MYL12A: variants seen among roughly 807,000 people sequenced by gnomAD.
MYL12A encodes the protein myosin light chain 12A, also known as myosin regulatory light chain 12A.
MYL12A carries 11 observed loss-of-function variants against 13.3 expected under a neutral mutation model. The ratio of observed to expected loss-of-function variants is 0.83; its 90% CI spans 0.52 to 1.37. MYL12A has a LOEUF of 1.37. Ranked by LOEUF, MYL12A falls within the 40% of genes most tolerant of loss-of-function variation. The pLI is 0.00. For synonymous variants in MYL12A, 51 were observed against 69.9 expected (o/e 0.73, Z 1.35); for missense variants, 146 against 212.3 (o/e 0.69, Z 1.94).
In MYL12A at chr18:3,254,055, G is replaced by A. The variant is rs776539457; in HGVS notation, c.343+5G>A. On this transcript the variant is annotated splice_donor_5th_base_variant and intron_variant, in intron 3 of 3. Transcript: ENST00000217652. ...GCTTTGATGAAGAAGCAACTGGTAA[G>A]TGAGAGGTAACCTTTAATTATAAAG... 2 of 1,610,688 alleles carry A rather than the reference G, an allele frequency of 1.2e-6. No individual in the cohort carries two copies. Among genetic ancestry groups the A allele is most frequent in the Non-Finnish European group, 1.7e-6 (2 of 1,179,062 alleles).
chr18:3,252,050 C>T (rs1230379860), intron 1 of MYL12A, among the ~76,000 whole-genome samples: 1 of 152,110 alleles, frequency 6.6e-6, no homozygotes, highest in East Asian at 1.9e-4. Context: ...ACATCGGAAA[C>T]ACATTCTTAG....
At chr18:3,248,379 T>C (rs2081451457) in intron 1 of MYL12A, 2 of 152,226 alleles carry the variant, frequency 1.3e-5, no homozygotes, top group Admixed American at 6.5e-5. Flanking sequence ...TTTTTTTCTT[T>C]AAGCGATGAA....
intron 2 of MYL12A, 143 bp downstream of exon 2, chr18:3,253,571 C>T (rs6417016): frequency 0.79 from 841,216 of 1,062,298 alleles, 337,073 homozygotes; most frequent in East Asian, 0.82. Context: ...TGTTTCCCAC[C>T]GGATCACCAG....
chr18:3,252,857 C>G (rs924513130), intron 1 of MYL12A, among the ~76,000 whole-genome samples: 1 of 152,158 alleles, frequency 6.6e-6, no homozygotes, highest in African/African-American at 2.4e-5. Flanking sequence ...ACCTTTCTGT[C>G]CACCGTACTA....
chr18:3,248,931 T>G (rs1403238417), intron 1 of MYL12A, among the ~76,000 whole-genome samples: 1 of 152,216 alleles, frequency 6.6e-6, no homozygotes, highest in Non-Finnish European at 1.5e-5. Flanking sequence ...TAGGCTTTTT[T>G]TTTTTAAGTG....
At position 3,253,918 on chromosome 18, in the gene MYL12A, G is replaced by A. The variant is rs1366647001; in HGVS notation, c.211G>A (p.Ala71Thr). 1 of 1,610,678 alleles carries A rather than the reference G, an allele frequency of 6.2e-7. No individual in the cohort carries two copies. The highest frequency in any genetic ancestry group is 8.5e-7 in the Non-Finnish European group (1 of 1,179,232). ...GAATCCAACTGATGAGTATCTAGAT[G>A]CCATGATGAATGAGGCTCCAGGCCC... ...GKNPTDEYLD[A>T]MMNEAPGPIN... The change falls in exon 3 of 4, where the codon GCC (alanine) becomes ACC (threonine). Residue 71 changes from alanine to threonine, a missense_variant. Ala to Thr is a moderately conservative substitution (Grantham distance 58, BLOSUM62 0). Coordinates refer to ENST00000217652, the MANE Select transcript of MYL12A (RefSeq NM_006471.4).
At chr18:3,248,777 T>C (rs963275084) in intron 1 of MYL12A, 1 of 152,244 alleles carries the variant, frequency 6.6e-6, no homozygotes, top group Non-Finnish European at 1.5e-5. Flanking sequence ...TGAGAACTTT[T>C]GGGTGTGGCA....
At position 3,253,898 on chromosome 18, in the gene MYL12A, C is replaced by A; in HGVS notation, c.191C>A (p.Pro64Gln). 6.2e-7 allele frequency: 1 copy of A among 1,600,634 alleles called. No homozygotes were observed. The highest frequency in any genetic ancestry group is 1.8e-5 in the Admixed American group (1 of 55,366). Reference sequence around the variant, plus strand: ...CCTTTTAAAAATTTAGGGAAGAATCCAACTGATGAGTATCTAGATGCCATG... The same window carrying A: ...CCTTTTAAAAATTTAGGGAAGAATCAAACTGATGAGTATCTAGATGCCATG... The part of the protein sequence containing the change: ...HDMLASLGKN[P>Q]TDEYLDAMMN... Residue 64 changes from proline (P) to glutamine (Q), a missense_variant, in exon 3 of 4, where the codon CCA becomes CAA. By Grantham distance (76) the Pro-to-Gln change is moderately conservative. Transcript: ENST00000217652.
chr18:3,249,100 A>C (rs2081459035), intron 1 of MYL12A, among the ~76,000 whole-genome samples: 1 of 151,992 alleles, frequency 6.6e-6, no homozygotes. Context: ...CGTTTTGTAG[A>C]AGAAGTTTCT....
chr18:3,254,132 A>G lies in MYL12A; in HGVS notation c.343+82A>G, dbSNP rs1598798551. ...AAAATATACAGTAACTTAAAATATG[A>G]TAACGCTCTCAGGTTTGTACTACAC... is the stretch of plus-strand genomic sequence containing the variant. On this transcript the variant is annotated intron_variant, in intron 3 of 3. Coordinates refer to ENST00000217652, the MANE Select transcript of MYL12A (RefSeq NM_006471.4). 41 of 1,480,096 alleles carry G rather than the reference A, an allele frequency of 2.8e-5. No individual in the cohort carries two copies. The East Asian group carries it at 8.6e-4, about 31-fold the overall frequency. 91.7% of individuals were successfully genotyped at this position (1,480,096 alleles called of 1,614,324 possible). A position where few individuals can be genotyped will look rare whatever the true frequency, so the allele number is the denominator to read the frequency against.
In MYL12A at chr18:3,252,284, C is replaced by T. The variant is rs1249277547; in HGVS notation, c.-15-949C>T. Reference sequence around the variant, plus strand: ...GCAGTGTCTTACTTTTGCTGCTGAGCGGTTTTGCAGACTACCATCTTCCCT... The same window carrying T: ...GCAGTGTCTTACTTTTGCTGCTGAGTGGTTTTGCAGACTACCATCTTCCCT... On this transcript the variant is annotated intron_variant, in intron 1 of 3. Transcript: ENST00000217652. The T allele has an allele frequency of 6.1e-5, 92 of 1,506,034 alleles. 1 individual carries two copies. The highest frequency in any genetic ancestry group is 1.1e-4 in the South Asian group (9 of 82,424). The allele number at this position is 1,506,034 out of a possible 1,614,324, so 93.3% of individuals were successfully genotyped here. A position where few individuals can be genotyped will look rare whatever the true frequency, so the allele number is the denominator to read the frequency against.
chr18:3,251,547 T>TGC (rs2081485635), intron 1 of MYL12A, among the ~76,000 whole-genome samples: 2 of 152,226 alleles, frequency 1.3e-5, no homozygotes, highest in Non-Finnish European at 2.9e-5. Context: ...TTCAACCTCT[T>TGC]GCTCCAAGTC....
chr18:3,254,675 A>G (rs1412933173), intron 3 of MYL12A, among the ~76,000 whole-genome samples: 1 of 152,242 alleles, frequency 6.6e-6, no homozygotes, highest in East Asian at 1.9e-4. Flanking sequence ...AGTACTTAGC[A>G]TACTGTGTGG....
chr18:3,251,764 A>G (rs1427348673), intron 1 of MYL12A, among the ~76,000 whole-genome samples: 1 of 152,218 alleles, frequency 6.6e-6, no homozygotes, highest in Non-Finnish European at 1.5e-5. Flanking sequence ...AAAGTTGATT[A>G]AAGAATTCTA....
Position 3,252,162 on chromosome 18 carries a change from ATGT to A in MYL12A, c.-15-1066_-15-1064del, listed in dbSNP as rs368462449. On this transcript the variant is annotated intron_variant, in intron 1 of 3. Transcript: ENST00000217652. Reference sequence around the variant, plus strand: ...TAGTGTTTTGCCAGATCATAGCTAAATGTTGTTTTCAGAACGTAAGCTTTAAAA... The same window carrying A: ...TAGTGTTTTGCCAGATCATAGCTAAATGTTTTCAGAACGTAAGCTTTAAAA... 143 of 537,430 alleles carry A rather than the reference ATGT, an allele frequency of 2.7e-4. 1 individual carries two copies. The highest frequency in any genetic ancestry group is 2.3e-3 in the African/African-American group (120 of 51,902). The allele number at this position is 537,430 out of a possible 1,614,324, so 33.3% of individuals were successfully genotyped here.
chr18:3,253,958 T>A lies in MYL12A; in HGVS notation c.251T>A (p.Met84Lys). The A allele has an allele frequency of 6.2e-7, 1 of 1,613,988 alleles. No individual in the cohort carries two copies. The highest frequency in any genetic ancestry group is 8.5e-7 in the Non-Finnish European group (1 of 1,179,908). ...NEAPGPINFT[M>K]FLTMFGEKLN... Reference sequence around the variant, plus strand: ...GCTCCAGGCCCCATCAATTTCACCATGTTCCTCACCATGTTTGGTGAGAAG... The same window carrying A: ...GCTCCAGGCCCCATCAATTTCACCAAGTTCCTCACCATGTTTGGTGAGAAG... Residue 84 changes from methionine to lysine, a missense_variant, in exon 3 of 4, where the codon ATG becomes AAG. Transcript: ENST00000217652.
At chr18:3,247,986 G>A (rs79487224) in intron 1 of MYL12A, 77 bp downstream of exon 1, 1 of 152,320 alleles carries the variant, frequency 6.6e-6, no homozygotes. Flanking sequence ...GAGGGCGGCG[G>A]GGCTCCTGGC....
At chr18:3,252,873 T>C (rs565534372) in intron 1 of MYL12A, among the ~76,000 whole-genome samples, 27 of 152,352 alleles carry the variant, frequency 1.8e-4, no homozygotes, top group African/African-American at 6.5e-4. Flanking sequence ...TACTATGGAA[T>C]AGCCAGTTTA....
rs199590891 is a variant in MYL12A, at chr18:3,253,293, C to T, written c.46C>T (p.Arg16Cys). 22 of 1,613,948 alleles carry T rather than the reference C, an allele frequency of 1.4e-5. No individual in the cohort carries two copies. Among genetic ancestry groups the T allele is most frequent in the Non-Finnish European group, 1.9e-5 (22 of 1,179,850 alleles). ...TKTKTKKRPQ[R>C]ATSNVFAMFD... The stretch of plus-strand genomic sequence containing the variant: ...GACCAAGACCAAGAAGCGCCCTCAG[C>T]GTGCAACATCCAATGTGTTTGCTAT... Residue 16 changes from arginine to cysteine, a missense_variant, in exon 2 of 4, where the codon CGT (arginine) becomes TGT (cysteine). By Grantham distance (180) the Arg-to-Cys change is radical. Coordinates refer to ENST00000217652, the MANE Select transcript of MYL12A (RefSeq NM_006471.4).
Sources: gnomAD v4.1 joint callset for allele counts (sites outside exome capture counted in the v4.1 genomes callset) on GRCh38, gnomAD v4.1.1 for gene constraint, MANE v1.5 for transcripts, NCBI Gene and HGNC (gene_info 2026-07-23, HGNC 2026-07-21) for gene names.